The following AHI1 variants were observed in gnomAD, a reference collection of about 807,000 sequenced individuals.
The protein encoded by AHI1 is Abelson helper integration site 1.
AHI1 carries 123 observed loss-of-function variants against 149.3 expected under a neutral mutation model. That is an observed-to-expected ratio of 0.82 (90% CI 0.71 to 0.96). AHI1 has a LOEUF of 0.96. AHI1 is among the 40% of genes least tolerant of loss of function. The probability of loss-of-function intolerance (pLI) is 0.00; values close to 1 mark genes in which losing one functional copy is unlikely to be tolerated. For missense variants in AHI1, 1,439 were observed against 1,422.7 expected, an observed-to-expected ratio of 1.01 and a Z score of -0.18; for synonymous variants, 475 against 459.8, an observed-to-expected ratio of 1.03 and a Z score of -0.42.
At chr6:135,349,541 T>A (rs894391010) in intron 24 of AHI1, among the ~76,000 whole-genome samples, 1 of 152,174 alleles carries the variant, frequency 6.6e-6, no homozygotes, top group Non-Finnish European at 1.5e-5. Context: ...AGACTTAGAT[T>A]CTGATCTACT....
At chr6:135,443,819 T>C (rs537693377) in intron 13 of AHI1, among the ~76,000 whole-genome samples, 58 of 152,260 alleles carry the variant, frequency 3.8e-4, no homozygotes, top group Non-Finnish European at 2.9e-4. Context: ...CTACCCATCT[T>C]TTCTCTGCAT....
chr6:135,400,905 C>T (rs1779939051), intron 22 of AHI1, among the ~76,000 whole-genome samples: 1 of 152,106 alleles, frequency 6.6e-6, no homozygotes, highest in African/African-American at 2.4e-5. Flanking sequence ...AATATTGAAG[C>T]CCCCAAAATC....
intron 24 of AHI1, among the ~76,000 whole-genome samples, chr6:135,343,916 T>C (rs1790759061): frequency 6.6e-6 from 1 of 151,920 alleles, no homozygotes; most frequent in African/African-American, 2.4e-5. Flanking sequence ...ATCTAAAAAA[T>C]TTTGTGTGTC....
At chr6:135,303,593 A>G (rs553706045) in intron 26 of AHI1, among the ~76,000 whole-genome samples, 1 of 152,130 alleles carries the variant, frequency 6.6e-6, no homozygotes, top group East Asian at 1.9e-4. Context: ...AGGGTTCAAA[A>G]TAAAAACATA....
chr6:135,318,294 G>T, intron 26 of AHI1: 1 of 427,492 alleles, frequency 2.3e-6, no homozygotes, highest in Non-Finnish European at 4.2e-6. Flanking sequence ...CATCACTTAG[G>T]CTGTGACTTG....
chr6:135,389,151 A>C (rs1392584869), intron 23 of AHI1, among the ~76,000 whole-genome samples: 2 of 151,662 alleles, frequency 1.3e-5, no homozygotes, highest in Admixed American at 6.6e-5. Context: ...TCTACTAAAA[A>C]ACACAAAAAA....
rs146165570 is a variant in AHI1 at position 135,301,246 on chromosome 6, G to A, written c.3427-688C>T. On this transcript the variant is annotated intron_variant, in intron 26 of 28. Transcript: ENST00000265602. ...TGCAATTTTTTTTAGAGATAATCACGTTATGGAAAGGATTCGTTTAACACT... is the reference window on the plus strand; with the variant it reads ...TGCAATTTTTTTTAGAGATAATCACATTATGGAAAGGATTCGTTTAACACT... 5.1e-4 allele frequency: 504 copies of A among 984,008 alleles called. 2 individuals are homozygous for A. In the African/African-American group the frequency reaches 7.9e-3, roughly 15 times the overall value. The allele number at this position is 984,008 out of a possible 1,614,324, so 61.0% of individuals were successfully genotyped here.
At position 135,342,957 on chromosome 6, in the gene AHI1, AG is replaced by A. The variant is rs1475153184; in HGVS notation, c.3165+15174del. On this transcript the variant is annotated intron_variant, in intron 24 of 28. Coordinates refer to ENST00000265602, the MANE Select transcript of AHI1 (RefSeq NM_001134831.2). ...GGAAAAATTAGGCAAGAAAAAAAAA[AG>A]GCACCCGGATCGGAAAGGAGAAGTA... is the stretch of plus-strand genomic sequence containing the variant. Among the ~76,000 whole-genome samples the A allele has an allele frequency of 5.3e-5, 8 of 151,652 alleles. 1 individual carries two copies.
intron 24 of AHI1, among the ~76,000 whole-genome samples, chr6:135,352,707 A>G (rs1033896953): frequency 2.1e-5 from 3 of 142,834 alleles, no homozygotes; most frequent in African/African-American, 8.5e-5. Context: ...GTGTGTATAT[A>G]TATATACACA....
At chr6:135,480,088 G>C (rs769252522) in intron 5 of AHI1, among the ~76,000 whole-genome samples, 1 of 152,128 alleles carries the variant, frequency 6.6e-6, no homozygotes, top group Admixed American at 6.5e-5. Context: ...AAATTACCCA[G>C]TCTCAGTTAG....
chr6:135,447,866 T>C (rs1355393369), intron 12 of AHI1, among the ~76,000 whole-genome samples: 1 of 152,172 alleles, frequency 6.6e-6, no homozygotes, highest in East Asian at 1.9e-4. Context: ...TTTTTGTAAA[T>C]AAACTTTTAT....
intron 23 of AHI1, among the ~76,000 whole-genome samples, chr6:135,385,348 G>A (rs1777436401): frequency 6.6e-6 from 1 of 152,090 alleles, no homozygotes; most frequent in South Asian, 2.1e-4. Context: ...AAGAAAAGAG[G>A]AAAAATTAGC....
At chr6:135,316,616 T>C (rs1785991415) in intron 26 of AHI1, among the ~76,000 whole-genome samples, 1 of 152,134 alleles carries the variant, frequency 6.6e-6, no homozygotes, top group Non-Finnish European at 1.5e-5. Flanking sequence ...TATTCTTTCT[T>C]AATTTTCTCT....
At chr6:135,368,795 T>A (rs1394915511) in intron 23 of AHI1, among the ~76,000 whole-genome samples, 1 of 152,200 alleles carries the variant, frequency 6.6e-6, no homozygotes, top group Non-Finnish European at 1.5e-5. Flanking sequence ...TGAGCAGGGT[T>A]GAGAACTTGC....
intron 24 of AHI1, among the ~76,000 whole-genome samples, chr6:135,343,847 T>C (rs910617439): frequency 1.3e-5 from 2 of 151,980 alleles, no homozygotes; most frequent in African/African-American, 4.8e-5. Flanking sequence ...AATGGTTTCT[T>C]AGATATAACA....
At chr6:135,414,938 A>T (rs1390562393) in intron 20 of AHI1, among the ~76,000 whole-genome samples, 1 of 148,578 alleles carries the variant, frequency 6.7e-6, no homozygotes, top group South Asian at 2.2e-4. Context: ...AGCATTAGGT[A>T]TATCCCTAAT....
intron 23 of AHI1, among the ~76,000 whole-genome samples, chr6:135,375,806 T>G (rs1775827556): frequency 6.6e-6 from 1 of 152,154 alleles, no homozygotes; most frequent in African/African-American, 2.4e-5. Flanking sequence ...AGTCCCAGAT[T>G]TTAGTTTCTA....
intron 5 of AHI1, among the ~76,000 whole-genome samples, chr6:135,479,511 C>A (rs1793256975): frequency 6.6e-6 from 1 of 152,220 alleles, no homozygotes; most frequent in African/African-American, 2.4e-5. Flanking sequence ...TTGTTTTGGG[C>A]AATCTCTCAC....
intron 5 of AHI1, among the ~76,000 whole-genome samples, chr6:135,471,085 T>C (rs1791613713): frequency 1.3e-5 from 2 of 152,114 alleles, no homozygotes; most frequent in African/African-American, 4.8e-5. Context: ...CACCAATATA[T>C]ACAAATTGTG....
Sources: gnomAD v4.1 joint callset for allele counts (sites outside exome capture counted in the v4.1 genomes callset) on GRCh38, gnomAD v4.1.1 for gene constraint, MANE v1.5 for transcripts, NCBI Gene and HGNC (gene_info 2026-07-23, HGNC 2026-07-21) for gene names.